The following GRIN2A variants were observed in gnomAD, a reference collection of about 807,000 sequenced individuals.
GRIN2A encodes the protein glutamate receptor ionotropic, NMDA 2A.
GRIN2A carries 22 observed loss-of-function variants against 113.4 expected under a neutral mutation model. That is an observed-to-expected ratio of 0.19 (90% CI 0.14 to 0.28). GRIN2A has a LOEUF of 0.28. Among genes scored for constraint, GRIN2A ranks in the 10% least tolerant of loss-of-function variants. GRIN2A has a pLI of 1.00. For synonymous variants in GRIN2A, 827 were observed against 738.4 expected, an observed-to-expected ratio of 1.12 and a Z score of -1.94; for missense variants, 1,502 against 1,887.0, an observed-to-expected ratio of 0.80 and a Z score of 3.78.
chr16:9,988,330 AAC>A (rs1298013969), intron 2 of GRIN2A, among the ~76,000 whole-genome samples: 1 of 150,672 alleles, frequency 6.6e-6, no homozygotes, highest in African/African-American at 2.4e-5. Flanking sequence ...AGGTCTTACA[AAC>A]ACACATTTTT....
At chr16:9,892,596 T>C (rs2043716176) in intron 3 of GRIN2A, among the ~76,000 whole-genome samples, 1 of 152,194 alleles carries the variant, frequency 6.6e-6, no homozygotes, top group Non-Finnish European at 1.5e-5. Context: ...ATTTTTGGTC[T>C]AGGTGTTTTC....
intron 11 of GRIN2A, among the ~76,000 whole-genome samples, chr16:9,775,335 C>G (rs1381200333): frequency 1.3e-5 from 2 of 152,126 alleles, no homozygotes. Context: ...GAAGCTGTTG[C>G]TTTTTGGTTT....
At chr16:9,879,925 C>T (rs552038239) in intron 4 of GRIN2A, among the ~76,000 whole-genome samples, 2 of 152,190 alleles carry the variant, frequency 1.3e-5, no homozygotes, top group Non-Finnish European at 2.9e-5. Context: ...CATAACCTAT[C>T]ATTTAAATTC....
chr16:10,134,458 C>T (rs2049147762), intron 2 of GRIN2A, among the ~76,000 whole-genome samples: 1 of 146,648 alleles, frequency 6.8e-6, no homozygotes, highest in Non-Finnish European at 1.5e-5. Flanking sequence ...CGGGGAATAT[C>T]ACACACCGGG....
At position 9,758,842 on chromosome 16, in the gene GRIN2A, G is replaced by T. The variant is rs1417537658; in HGVS notation, c.*4307C>A. The T allele has an allele frequency of 4.6e-6, 1 of 215,810 alleles. No homozygotes were observed. The highest frequency in any genetic ancestry group is 9.3e-6 in the Non-Finnish European group (1 of 107,186). 13.4% of individuals were successfully genotyped at this position (215,810 alleles called of 1,614,324 possible). On this transcript the variant is annotated 3_prime_UTR_variant, in exon 13 of 13. Coordinates refer to ENST00000330684, the MANE Select transcript of GRIN2A (RefSeq NM_001134407.3). ...AACCCTGTTCACCAAAAAGAGATGGGGTATCTGGAAAGGTCTAATTTTGTC... is the reference window on the plus strand; with the variant it reads ...AACCCTGTTCACCAAAAAGAGATGGTGTATCTGGAAAGGTCTAATTTTGTC...
At chr16:9,803,003 G>T (rs2141244941) in intron 10 of GRIN2A, among the ~76,000 whole-genome samples, 1 of 142,124 alleles carries the variant, frequency 7.0e-6, no homozygotes, top group African/African-American at 2.7e-5. Context: ...AAAAATAATT[G>T]TTCCTGTTGT....
chr16:10,096,767 T>G (rs1567295914), intron 2 of GRIN2A, among the ~76,000 whole-genome samples: 1 of 152,128 alleles, frequency 6.6e-6, no homozygotes, highest in Non-Finnish European at 1.5e-5. Flanking sequence ...CCATTCTCCT[T>G]GTACTTCCCC....
At chr16:9,997,443 T>C (rs2046245992) in intron 2 of GRIN2A, among the ~76,000 whole-genome samples, 1 of 152,224 alleles carries the variant, frequency 6.6e-6, no homozygotes, top group Admixed American at 6.5e-5. Context: ...TTTTCCTTTC[T>C]TTTCATGTTT....
intron 2 of GRIN2A, among the ~76,000 whole-genome samples, chr16:10,057,192 G>A (rs573413109): frequency 2.6e-5 from 4 of 152,254 alleles, no homozygotes; most frequent in South Asian, 4.1e-4. Flanking sequence ...GTACAATGGC[G>A]ACAACAGTAG....
intron 11 of GRIN2A, among the ~76,000 whole-genome samples, chr16:9,776,241 A>C (rs1030731158): frequency 3.3e-5 from 5 of 151,752 alleles, no homozygotes; most frequent in Admixed American, 6.6e-5. Context: ...AGGAATGTAA[A>C]TATGACGCCA....
chr16:9,822,232 A>G (rs1348958254), intron 10 of GRIN2A, 32 bp downstream of exon 10: 1 of 1,609,244 alleles, frequency 6.2e-7, no homozygotes, highest in African/African-American at 1.3e-5. Flanking sequence ...TCGCTCGCAG[A>G]CCTGTGGTGA....
intron 3 of GRIN2A, among the ~76,000 whole-genome samples, chr16:9,931,556 A>C (rs28615210): frequency 0.012 from 1,885 of 152,204 alleles, 42 homozygotes; most frequent in African/African-American, 0.043. Context: ...TACTACCTAG[A>C]CCATGAAGTT....
At chr16:10,055,653 A>G (rs2031889135) in intron 2 of GRIN2A, among the ~76,000 whole-genome samples, 1 of 152,324 alleles carries the variant, frequency 6.6e-6, no homozygotes, top group South Asian at 2.1e-4. Flanking sequence ...AGTCACTTCA[A>G]TAGACAACAT....
intron 3 of GRIN2A, among the ~76,000 whole-genome samples, chr16:9,930,684 G>A (rs768541638): frequency 7.2e-5 from 11 of 152,118 alleles, no homozygotes; most frequent in Non-Finnish European, 1.3e-4. Flanking sequence ...TTTTAACTCT[G>A]GTCAAGCTCA....
intron 10 of GRIN2A, among the ~76,000 whole-genome samples, chr16:9,812,263 A>C (rs1344187068): frequency 6.6e-6 from 1 of 152,188 alleles, no homozygotes; most frequent in Non-Finnish European, 1.5e-5. Flanking sequence ...ATGATGTTTA[A>C]ATTAGATAAT....
intron 9 of GRIN2A, among the ~76,000 whole-genome samples, chr16:9,823,577 TAAC>T (rs1407377724): frequency 6.6e-6 from 1 of 152,152 alleles, no homozygotes; most frequent in Non-Finnish European, 1.5e-5. Context: ...TAGAAAGTAA[TAAC>T]AACAATGACT....
chr16:9,800,396 A>G (rs1486883917), intron 10 of GRIN2A, among the ~76,000 whole-genome samples: 2 of 152,206 alleles, frequency 1.3e-5, no homozygotes, highest in Non-Finnish European at 2.9e-5. Flanking sequence ...TAAATCGGAG[A>G]TGACTCAACT....
intron 2 of GRIN2A, among the ~76,000 whole-genome samples, chr16:10,087,785 C>G (rs2048110464): frequency 6.6e-6 from 1 of 151,474 alleles, no homozygotes; most frequent in Admixed American, 6.6e-5. Context: ...CATCGGGGCT[C>G]AAGTGATCCT....
At chr16:9,975,135 G>T (rs1308041533) in intron 2 of GRIN2A, among the ~76,000 whole-genome samples, 3 of 151,964 alleles carry the variant, frequency 2.0e-5, no homozygotes, top group African/African-American at 4.8e-5. Context: ...TGAGATGAGA[G>T]GTATAGATTA....
Sources: allele counts gnomAD v4.1 joint callset (sites outside exome capture counted in the v4.1 genomes callset), GRCh38; gene constraint gnomAD v4.1.1; transcripts MANE v1.5; gene names NCBI Gene and HGNC (gene_info 2026-07-23, HGNC 2026-07-21).